The following EPHA3 variants were observed in gnomAD, a reference collection of about 807,000 sequenced individuals.
The protein encoded by EPHA3 is ephrin type-A receptor 3.
Under a neutral mutation model 107.1 loss-of-function variants are expected in EPHA3, and 42 were observed. That is an observed-to-expected ratio of 0.39 (90% CI 0.31 to 0.51). The LOEUF is 0.51. Ranked by LOEUF, EPHA3 falls within the 20% of genes least tolerant of loss-of-function variation. EPHA3 has a pLI of 0.78. For synonymous variants in EPHA3, 461 were observed against 424.8 expected, an observed-to-expected ratio of 1.09 and a Z score of -1.05; for missense variants, 1,183 against 1,211.2, an observed-to-expected ratio of 0.98 and a Z score of 0.35.
intron 3 of EPHA3, among the ~76,000 whole-genome samples, chr3:89,218,712 CA>C (rs557939408): frequency 6.6e-6 from 1 of 151,260 alleles, no homozygotes; most frequent in East Asian, 1.9e-4. Flanking sequence ...TTTATGCAGC[CA>C]AAAAAATATG....
At chr3:89,424,267 A>G (rs564612995) in intron 11 of EPHA3, among the ~76,000 whole-genome samples, 6 of 151,404 alleles carry the variant, frequency 4.0e-5, no homozygotes, top group Non-Finnish European at 8.9e-5. Flanking sequence ...AAAACTCATA[A>G]CATTAATAGG....
intron 3 of EPHA3, among the ~76,000 whole-genome samples, chr3:89,336,558 C>T (rs1263075232): frequency 6.6e-6 from 1 of 152,120 alleles, no homozygotes; most frequent in Non-Finnish European, 1.5e-5. Context: ...TATACATTCT[C>T]CACTCATATT....
intron 3 of EPHA3, among the ~76,000 whole-genome samples, chr3:89,253,233 A>G (rs1013184670): frequency 2.0e-5 from 3 of 152,074 alleles, no homozygotes; most frequent in Non-Finnish European, 1.5e-5. Context: ...CCAATGACTA[A>G]CTATACCTCA....
In EPHA3 at chr3:89,479,700, G is replaced by T; in HGVS notation, c.*198G>T. 8.3e-6 allele frequency: 4 copies of T among 481,410 alleles called. No individual in the cohort carries two copies. The highest frequency in any genetic ancestry group is 4.2e-5 in the South Asian group (1 of 23,968). The allele number at this position is 481,410 out of a possible 1,614,324, so 29.8% of individuals were successfully genotyped here. A position where few individuals can be genotyped will look rare whatever the true frequency, so the allele number is the denominator to read the frequency against. Reference sequence around the variant, plus strand: ...TATCATTTATTGGATGGGTGGGTGGGGTATTTTTTTGTAATTGCTTTTTTA... The same window carrying T: ...TATCATTTATTGGATGGGTGGGTGGTGTATTTTTTTGTAATTGCTTTTTTA... On this transcript the variant is annotated 3_prime_UTR_variant, in exon 17 of 17. Coordinates refer to ENST00000336596, the MANE Select transcript of EPHA3 (RefSeq NM_005233.6).
chr3:89,221,152 C>CA (rs1321144763), intron 3 of EPHA3, among the ~76,000 whole-genome samples: 1 of 151,502 alleles, frequency 6.6e-6, no homozygotes, highest in Non-Finnish European at 1.5e-5. Context: ...TGAAGCTCAT[C>CA]AGCCTGCTTT....
At chr3:89,450,698 G>C (rs60759140) in intron 15 of EPHA3, among the ~76,000 whole-genome samples, 34,003 of 151,944 alleles carry the variant, frequency 0.22, 4,112 homozygotes, top group Non-Finnish European at 0.25. Context: ...CTTGAGGTCA[G>C]GAGTTCGAGA....
In EPHA3 at chr3:89,341,821, G is replaced by T. The variant is rs749859409; in HGVS notation, c.1037G>T (p.Ser346Ile). ...INETSVILDW[S>I]WPLDTGGRKD... ...GAGACCTCAGTTATCCTGGACTGGA[G>T]TTGGCCCCTGGACACAGGAGGCCGG... Residue 346 changes from serine (S) to isoleucine (I), a missense_variant, in exon 5 of 17, where the codon AGT (serine) becomes ATT (isoleucine). Coordinates refer to ENST00000336596, the MANE Select transcript of EPHA3 (RefSeq NM_005233.6). 8 of 1,613,842 alleles carry T rather than the reference G, an allele frequency of 5.0e-6. No individual in the cohort carries two copies. The highest frequency in any genetic ancestry group is 2.7e-5 in the African/African-American group (2 of 74,838).
chr3:89,183,227 A>G (rs1705485140), intron 2 of EPHA3, among the ~76,000 whole-genome samples: 1 of 151,994 alleles, frequency 6.6e-6, no homozygotes, highest in Non-Finnish European at 1.5e-5. Flanking sequence ...TATATATTGT[A>G]CACACAATTG....
intron 5 of EPHA3, among the ~76,000 whole-genome samples, chr3:89,355,838 T>C (rs1372329214): frequency 6.7e-6 from 1 of 149,406 alleles, no homozygotes; most frequent in Non-Finnish European, 1.5e-5. Flanking sequence ...ATTTTTTATT[T>C]TATTATTATT....
intron 3 of EPHA3, among the ~76,000 whole-genome samples, chr3:89,269,273 A>G (rs1705607780): frequency 6.6e-6 from 1 of 152,114 alleles, no homozygotes; most frequent in Non-Finnish European, 1.5e-5. Flanking sequence ...TCCATATCCA[A>G]GAAAGAGTAT....
chr3:89,438,201 C>G (rs140896631), intron 13 of EPHA3, among the ~76,000 whole-genome samples: 2 of 151,464 alleles, frequency 1.3e-5, no homozygotes, highest in African/African-American at 4.9e-5. Flanking sequence ...CTCTGCCTCC[C>G]GGGTTCACGC....
intron 2 of EPHA3, among the ~76,000 whole-genome samples, chr3:89,146,960 G>C (rs1036580466): frequency 4.6e-5 from 7 of 151,858 alleles, no homozygotes; most frequent in African/African-American, 1.2e-4. Flanking sequence ...TGATAGACTG[G>C]ATAAGGAAAA....
chr3:89,256,114 A>G (rs1222847295), intron 3 of EPHA3, among the ~76,000 whole-genome samples: 2 of 150,892 alleles, frequency 1.3e-5, no homozygotes, highest in Non-Finnish European at 3.0e-5. Context: ...AGCCAGGCAC[A>G]GTGGAGCGTA....
intron 2 of EPHA3, among the ~76,000 whole-genome samples, chr3:89,187,505 T>C (rs1218398374): frequency 6.6e-6 from 1 of 151,532 alleles, no homozygotes; most frequent in Non-Finnish European, 1.5e-5. Context: ...AATATACTTA[T>C]TGAATAAGAC....
rs758417906 is a variant in EPHA3, at chr3:89,107,792, T to C, written c.44T>C (p.Val15Ala). 1 of 1,614,220 alleles carries C rather than the reference T, an allele frequency of 6.2e-7. No individual in the cohort carries two copies. The highest frequency in any genetic ancestry group is 1.1e-5 in the South Asian group (1 of 91,088). ...ATCCTCCTCCTTCTCAGCTGCTCTG[T>C]TCTCGACAGCTTCGGGGAACTGATT... ...LSILLLLSCS[V>A]LDSFGELIPQ... Residue 15 changes from valine to alanine, a missense_variant, in exon 1 of 17, where the codon GTT becomes GCT. By Grantham distance (64) the Val-to-Ala change is moderately conservative (BLOSUM62 0). Transcript: ENST00000336596.
At chr3:89,425,810 T>C (rs1709444157) in intron 11 of EPHA3, among the ~76,000 whole-genome samples, 1 of 151,652 alleles carries the variant, frequency 6.6e-6, no homozygotes, top group African/African-American at 2.4e-5. Flanking sequence ...TAGCTGGTGC[T>C]GAATCTGGAA....
chr3:89,444,992 G>A (rs1258318522), intron 13 of EPHA3, among the ~76,000 whole-genome samples: 12 of 152,152 alleles, frequency 7.9e-5, no homozygotes, highest in African/African-American at 2.9e-4. Flanking sequence ...GGCCAGGTGC[G>A]ATGGCTCACA....
At chr3:89,219,898 C>T (rs1272862606) in intron 3 of EPHA3, among the ~76,000 whole-genome samples, 3 of 148,054 alleles carry the variant, frequency 2.0e-5, no homozygotes, top group African/African-American at 5.0e-5. Flanking sequence ...TTAGTAGAGA[C>T]GGGGTTTCAC....
chr3:89,409,921 TTG>T (rs1175005294), intron 9 of EPHA3, among the ~76,000 whole-genome samples: 1 of 152,082 alleles, frequency 6.6e-6, no homozygotes, highest in Non-Finnish European at 1.5e-5. Context: ...ATGTAAATTA[TTG>T]TGTTTGCACA....
Sources: allele counts gnomAD v4.1 joint callset (sites outside exome capture counted in the v4.1 genomes callset), GRCh38; gene constraint gnomAD v4.1.1; transcripts MANE v1.5; gene names NCBI Gene and HGNC (gene_info 2026-07-23, HGNC 2026-07-21).